ZHX2: variants seen among roughly 807,000 people sequenced by gnomAD.
The protein encoded by ZHX2 is zinc fingers and homeoboxes 2.
Under a neutral mutation model 21.9 loss-of-function variants are expected in ZHX2, and 6 were observed. That is an observed-to-expected ratio of 0.27 (90% confidence interval 0.15 to 0.54). ZHX2 has a LOEUF of 0.54. ZHX2 is among the 20% of genes least tolerant of loss of function. The pLI is 0.95. For synonymous variants in ZHX2, 434 were observed against 437.1 expected (o/e 0.99, Z 0.09); for missense variants, 908 against 1,090.7 (o/e 0.83, Z 2.36).
intron 1 of ZHX2, among the ~76,000 whole-genome samples, chr8:122,810,240 C>A (rs1159120945): frequency 1.3e-5 from 2 of 152,208 alleles, no homozygotes; most frequent in African/African-American, 4.8e-5. Context: ...AAATGCCCTT[C>A]ATCTCTATAA....
chr8:122,866,320 G>T (rs529593527), intron 2 of ZHX2, among the ~76,000 whole-genome samples: 78 of 152,182 alleles, frequency 5.1e-4, no homozygotes, highest in Non-Finnish European at 1.0e-4. Flanking sequence ...TTTGCAAAAG[G>T]CACTCCCCCC....
chr8:122,816,242 A>G (rs1232169333), intron 1 of ZHX2: 1 of 151,950 alleles, frequency 6.6e-6, no homozygotes, highest in East Asian at 1.9e-4. Flanking sequence ...AAGTATTTCA[A>G]ATGAAGGGTG....
At chr8:122,869,923 A>G (rs1819391087) in intron 2 of ZHX2, among the ~76,000 whole-genome samples, 1 of 152,226 alleles carries the variant, frequency 6.6e-6, no homozygotes, top group Non-Finnish European at 1.5e-5. Flanking sequence ...ACAGAGTAAA[A>G]GTGTTAGTAA....
Position 122,951,249 on chromosome 8 carries a change from C to T in ZHX2, c.-219-43C>T, listed in dbSNP as rs1279709770. The T allele has an allele frequency of 4.0e-5, 17 of 423,818 alleles. No homozygotes were observed. In the South Asian group the frequency reaches 5.1e-4, roughly 13 times the overall value. 26.3% of individuals were successfully genotyped at this position (423,818 alleles called of 1,614,324 possible). A position where few individuals can be genotyped will look rare whatever the true frequency, so the allele number is the denominator to read the frequency against. Reference sequence around the variant, plus strand: ...CATAAAGAAGTGCCAGTTTCTTTTGCGTTGTGAAGAGACACTGACCCTGTC... The same window carrying T: ...CATAAAGAAGTGCCAGTTTCTTTTGTGTTGTGAAGAGACACTGACCCTGTC... On this transcript the variant is annotated intron_variant, in intron 2 of 3. Coordinates refer to ENST00000314393, the MANE Select transcript of ZHX2 (RefSeq NM_014943.5).
At chr8:122,916,513 G>A (rs1301137791) in intron 2 of ZHX2, among the ~76,000 whole-genome samples, 1 of 152,008 alleles carries the variant, frequency 6.6e-6, no homozygotes, top group East Asian at 1.9e-4. Flanking sequence ...TTTCTACCTA[G>A]AGGTACTTTT....
intron 3 of ZHX2, among the ~76,000 whole-genome samples, chr8:122,963,386 C>A (rs916731487): frequency 6.6e-6 from 1 of 152,106 alleles, no homozygotes; most frequent in African/African-American, 2.4e-5. Context: ...GGTGTCCTTT[C>A]CCCACTTTAT....
chr8:122,824,950 T>C (rs1019339364), intron 1 of ZHX2, among the ~76,000 whole-genome samples: 3 of 152,312 alleles, frequency 2.0e-5, no homozygotes, highest in South Asian at 4.1e-4. Context: ...CAGTGGTCAG[T>C]TGAGTCTTTC....
intron 2 of ZHX2, among the ~76,000 whole-genome samples, chr8:122,907,310 G>C (rs114304274): frequency 1.3e-5 from 2 of 152,156 alleles, no homozygotes; most frequent in Admixed American, 6.5e-5. Flanking sequence ...AAGTACATTG[G>C]TTCGGTCTAG....
chr8:122,935,638 C>T (rs1812665865), intron 2 of ZHX2, among the ~76,000 whole-genome samples: 1 of 151,346 alleles, frequency 6.6e-6, no homozygotes, highest in Non-Finnish European at 1.5e-5. Context: ...CAAGTTCATG[C>T]CATTCTCCTG....
intron 2 of ZHX2, among the ~76,000 whole-genome samples, chr8:122,908,822 G>A (rs1820408711): frequency 6.6e-6 from 1 of 152,190 alleles, no homozygotes; most frequent in Admixed American, 6.5e-5. Context: ...AAAAAAGAAG[G>A]TGGTTCTTTT....
chr8:122,874,882 A>G (rs1819526267), intron 2 of ZHX2, among the ~76,000 whole-genome samples: 1 of 150,600 alleles, frequency 6.6e-6, no homozygotes, highest in African/African-American at 2.4e-5. Context: ...GGCAGTGGGG[A>G]CGTTCTCAGG....
chr8:122,897,089 T>C (rs73333667), intron 2 of ZHX2, among the ~76,000 whole-genome samples: 1 of 152,240 alleles, frequency 6.6e-6, no homozygotes, highest in African/African-American at 2.4e-5. Context: ...TGATAGACCC[T>C]TGGTGTCTTG....
chr8:122,904,357 C>T (rs1434652185), intron 2 of ZHX2, among the ~76,000 whole-genome samples: 2 of 152,192 alleles, frequency 1.3e-5, no homozygotes, highest in African/African-American at 4.8e-5. Flanking sequence ...ACCCTCACCA[C>T]GTTATAGCAA....
chr8:122,817,843 T>C (rs973821835), intron 1 of ZHX2, among the ~76,000 whole-genome samples: 41 of 152,296 alleles, frequency 2.7e-4, no homozygotes, highest in African/African-American at 9.6e-4. Flanking sequence ...ACCCTGGCAA[T>C]GGCCTGGTGA....
chr8:122,872,881 C>T (rs1345516042), intron 2 of ZHX2, among the ~76,000 whole-genome samples: 1 of 152,066 alleles, frequency 6.6e-6, no homozygotes, highest in Non-Finnish European at 1.5e-5. Context: ...TTTACTCAGA[C>T]AGGTTTCCCC....
chr8:122,927,738 G>A (rs1003249515), intron 2 of ZHX2, among the ~76,000 whole-genome samples: 5 of 152,126 alleles, frequency 3.3e-5, no homozygotes, highest in African/African-American at 1.2e-4. Flanking sequence ...GTTACCTCCC[G>A]CTGGGTCCCT....
Position 122,788,015 on chromosome 8 carries a change from C to G in ZHX2, c.-283+6069C>G, listed in dbSNP as rs1439818904. ...CCCACAGCCATCTCATCCCCCACAG[C>G]CTGGTTCACTCTGGCTGGTGAAACT... is the stretch of plus-strand genomic sequence containing the variant. On this transcript the variant is annotated intron_variant, in intron 1 of 3. Coordinates refer to ENST00000314393, the MANE Select transcript of ZHX2 (RefSeq NM_014943.5). 7.2e-5 allele frequency among the ~76,000 whole-genome samples: 11 copies of G among 152,274 alleles called. No homozygotes were observed. The East Asian group carries it at 1.9e-3, about 27-fold the overall frequency.
At chr8:122,945,394 A>G (rs1307304705) in intron 2 of ZHX2, among the ~76,000 whole-genome samples, 1 of 130,226 alleles carries the variant, frequency 7.7e-6, no homozygotes, top group African/African-American at 2.9e-5. Flanking sequence ...GTCATTGTCT[A>G]TGTAGACTGA....
intron 1 of ZHX2, among the ~76,000 whole-genome samples, chr8:122,857,032 C>T (rs904391370): frequency 1.3e-5 from 2 of 152,146 alleles, no homozygotes; most frequent in African/African-American, 4.8e-5. Flanking sequence ...GTGCCCCTCC[C>T]GCCACAGCCC....
Sources: gnomAD v4.1 joint callset for allele counts (sites outside exome capture counted in the v4.1 genomes callset) on GRCh38, gnomAD v4.1.1 for gene constraint, MANE v1.5 for transcripts, NCBI Gene and HGNC (gene_info 2026-07-23, HGNC 2026-07-21) for gene names.